Variants in SERAC1 observed in about 807,000 individuals in gnomAD.
The protein encoded by SERAC1 is serine active site containing 1.
A neutral mutation model predicts 85.7 loss-of-function variants in SERAC1; 36 were observed. The ratio of observed to expected loss-of-function variants is 0.42; its 90% CI spans 0.32 to 0.55. SERAC1 has a LOEUF of 0.55. Among genes scored for constraint, SERAC1 ranks in the 20% least tolerant of loss-of-function variants. The pLI is 0.11. For synonymous variants in SERAC1, 242 were observed against 265.3 expected, an observed-to-expected ratio of 0.91 and a Z score of 0.85; for missense variants, 629 against 796.2, an observed-to-expected ratio of 0.79 and a Z score of 2.53.
intron 2 of SERAC1, among the ~76,000 whole-genome samples, chr6:158,158,057 G>T (rs1785397735): frequency 6.6e-6 from 1 of 152,306 alleles, no homozygotes; most frequent in Admixed American, 6.5e-5. Flanking sequence ...TATGAAATTT[G>T]ACAGAAGAAG....
chr6:158,156,977 T>TAA (rs1269382945), intron 2 of SERAC1, among the ~76,000 whole-genome samples: 2 of 132,826 alleles, frequency 1.5e-5, no homozygotes, highest in African/African-American at 2.9e-5. Context: ...TATATTTATA[T>TAA]ATAATAAATA....
At chr6:158,140,201 G>T (rs1036949255) in intron 8 of SERAC1, among the ~76,000 whole-genome samples, 1 of 152,166 alleles carries the variant, frequency 6.6e-6, no homozygotes, top group African/African-American at 2.4e-5. Context: ...CTGGTGGACG[G>T]AGGGCCCCTA....
chr6:158,155,960 C>A (rs955083133), intron 2 of SERAC1, among the ~76,000 whole-genome samples: 1 of 151,976 alleles, frequency 6.6e-6, no homozygotes, highest in African/African-American at 2.4e-5. Context: ...GCCTGGCCAA[C>A]ATGGTGAAAT....
chr6:158,121,312 C>G (rs1562436504), intron 10 of SERAC1, among the ~76,000 whole-genome samples: 1 of 151,970 alleles, frequency 6.6e-6, no homozygotes, highest in Admixed American at 6.6e-5. Flanking sequence ...TTCGCTATAT[C>G]TATTTTCTGA....
chr6:158,156,604 T>C lies in SERAC1; in HGVS notation c.92-1253A>G, dbSNP rs112882423. ...GTCTCCACCTTGGCTTATTATTATG[T>C]AAGAAGAATGAAAATCATATTAACT... On this transcript the variant is annotated intron_variant, in intron 2 of 16. Transcript: ENST00000647468. 2.3e-3 allele frequency among the ~76,000 whole-genome samples: 355 copies of C among 151,566 alleles called. 1 individual carries two copies. Among genetic ancestry groups the C allele is most frequent in the African/African-American group, 8.3e-3 (341 of 41,318 alleles).
At chr6:158,121,083 G>C (rs2128412669) in intron 10 of SERAC1, among the ~76,000 whole-genome samples, 1 of 152,166 alleles carries the variant, frequency 6.6e-6, no homozygotes, top group East Asian at 1.9e-4. Flanking sequence ...ATTTTTTAAA[G>C]GGAGGCAAAC....
At chr6:158,149,116 C>T (rs1420337668) in intron 4 of SERAC1, among the ~76,000 whole-genome samples, 162 bp from the exon 5 acceptor site, 3 of 152,148 alleles carry the variant, frequency 2.0e-5, no homozygotes, top group African/African-American at 4.8e-5. Context: ...CACAGCCTCC[C>T]GAGTAGCTGG....
In SERAC1 at chr6:158,111,360, C is replaced by A. The variant is rs757141911; in HGVS notation, c.*6G>T. On this transcript the variant is annotated 3_prime_UTR_variant, in exon 17 of 17. Transcript: ENST00000647468. The stretch of plus-strand genomic sequence containing the variant: ...TTCACATATGAAAACTGGAAGAGCA[C>A]AACTGTTAGTTTTCAAGGTCTTTGG... 1.3e-5 allele frequency: 20 copies of A among 1,578,052 alleles called. No individual in the cohort carries two copies. The highest frequency in any genetic ancestry group is 3.4e-4 in the Middle Eastern group (2 of 5,868).
intron 1 of SERAC1, chr6:158,162,295 A>G (rs1392191773): frequency 6.6e-6 from 1 of 152,222 alleles, no homozygotes; most frequent in Non-Finnish European, 1.5e-5. Context: ...ATATCACATG[A>G]GTTAATATAT....
At chr6:158,140,884 A>G (rs577067589) in intron 8 of SERAC1, among the ~76,000 whole-genome samples, 4 of 152,344 alleles carry the variant, frequency 2.6e-5, no homozygotes, top group South Asian at 4.1e-4. Flanking sequence ...GGTGTGAGAA[A>G]GTAGGAAAAA....
chr6:158,126,197 AG>A (rs1029289465), intron 10 of SERAC1, among the ~76,000 whole-genome samples: 12 of 152,302 alleles, frequency 7.9e-5, no homozygotes, highest in African/African-American at 2.6e-4. Flanking sequence ...AAGACACCCC[AG>A]GAGCAATATG....
At chr6:158,121,960 C>G (rs1445883910) in intron 10 of SERAC1, among the ~76,000 whole-genome samples, 2 of 152,204 alleles carry the variant, frequency 1.3e-5, no homozygotes, top group Non-Finnish European at 2.9e-5. Context: ...TATATAACAT[C>G]TGAATGCACT....
At chr6:158,147,170 G>A (rs544355327) in intron 5 of SERAC1, among the ~76,000 whole-genome samples, 10 of 151,900 alleles carry the variant, frequency 6.6e-5, no homozygotes, top group Middle Eastern at 3.4e-3. Flanking sequence ...AGACAGTCTC[G>A]CTCTGTTACC....
intron 14 of SERAC1, 67 bp downstream of exon 14, chr6:158,116,118 T>C (rs1425618330): frequency 3.1e-6 from 4 of 1,277,506 alleles, no homozygotes; most frequent in East Asian, 2.3e-5. Context: ...AAAATAACTT[T>C]AGGTTGGCCA....
intron 8 of SERAC1, among the ~76,000 whole-genome samples, chr6:158,132,410 G>A (rs1784698458): frequency 6.6e-6 from 1 of 152,026 alleles, no homozygotes; most frequent in Non-Finnish European, 1.5e-5. Flanking sequence ...ACTGAGATGG[G>A]GCTAAGTCAT....
At chr6:158,137,532 T>C (rs772008145) in intron 8 of SERAC1, among the ~76,000 whole-genome samples, 3 of 152,166 alleles carry the variant, frequency 2.0e-5, no homozygotes, top group East Asian at 1.9e-4. Context: ...CAGTGTGATC[T>C]ATGGCTCCTA....
Position 158,117,888 on chromosome 6 carries a change from A to G in SERAC1, c.1309-67T>C. ...CACCACTGCAATTACTGCCTAGTAA[A>G]TCAAATTTATAACTAAAGGCCTCTT... On this transcript the variant is annotated intron_variant, in intron 12 of 16. Coordinates refer to ENST00000647468, the MANE Select transcript of SERAC1 (RefSeq NM_032861.4). The surrounding 1 kb of genome is among the most constrained non-coding windows in gnomAD (Gnocchi z 4.3). 8.0e-7 allele frequency: 1 copy of G among 1,253,624 alleles called. No homozygotes were observed. Among genetic ancestry groups the G allele is most frequent in the Non-Finnish European group, 1.2e-6 (1 of 865,542 alleles). 77.7% of individuals were successfully genotyped at this position (1,253,624 alleles called of 1,614,324 possible). A position where few individuals can be genotyped will look rare whatever the true frequency, so the allele number is the denominator to read the frequency against.
chr6:158,129,993 G>T (rs1328460410), intron 9 of SERAC1, among the ~76,000 whole-genome samples: 1 of 152,124 alleles, frequency 6.6e-6, no homozygotes, highest in Non-Finnish European at 1.5e-5. Flanking sequence ...ACCGCGCCCA[G>T]CCTGTTTTTT....
At chr6:158,114,626 C>T in intron 15 of SERAC1, 163 bp downstream of exon 15, 1 of 1,308,952 alleles carries the variant, frequency 7.6e-7, no homozygotes, top group Non-Finnish European at 9.8e-7. Flanking sequence ...GAGAAATTAT[C>T]AAAGAAAAAT....
Sources: gnomAD v4.1 joint callset for allele counts (sites outside exome capture counted in the v4.1 genomes callset) on GRCh38, gnomAD v4.1.1 for gene constraint, Gnocchi (gnomAD v3.1) non-coding constraint, MANE v1.5 for transcripts, NCBI Gene and HGNC (gene_info 2026-07-23, HGNC 2026-07-21) for gene names.